Variants in CERS3 observed in about 807,000 individuals in gnomAD.
CERS3 encodes LAG1 homolog, ceramide synthase 3.
CERS3 carries 33 observed loss-of-function variants against 50.3 expected under a neutral mutation model. That is an observed-to-expected ratio of 0.66 (90% CI 0.50 to 0.88). CERS3 has a LOEUF of 0.88. CERS3 is among the 40% of genes least tolerant of loss of function. CERS3 has a pLI of 0.00. For missense variants in CERS3, 470 were observed against 460.3 expected, an observed-to-expected ratio of 1.02 and a Z score of -0.19; for synonymous variants, 176 against 155.2, an observed-to-expected ratio of 1.13 and a Z score of -0.99.
At chr15:100,483,764 TAA>T (rs374836529) in intron 5 of CERS3, among the ~76,000 whole-genome samples, 552 of 23,676 alleles carry the variant, frequency 0.023, 47 homozygotes, top group East Asian at 0.049. Context: ...GAAGGATCAA[TAA>T]TAATAATAAT....
At chr15:100,453,420 C>T (rs146660291) in intron 11 of CERS3, among the ~76,000 whole-genome samples, 27 of 152,186 alleles carry the variant, frequency 1.8e-4, no homozygotes, top group Non-Finnish European at 2.8e-4. Flanking sequence ...TCTCAATAGA[C>T]GCAGAAAAAG....
chr15:100,492,141 T>C (rs1343640853), intron 3 of CERS3, among the ~76,000 whole-genome samples: 1 of 152,224 alleles, frequency 6.6e-6, no homozygotes, highest in Non-Finnish European at 1.5e-5. Context: ...CTGGAGAATG[T>C]TTTTTGTGCA....
At chr15:100,475,856 C>T (rs1304573673) in intron 8 of CERS3, 3 of 248,332 alleles carry the variant, frequency 1.2e-5, no homozygotes, top group East Asian at 1.6e-4. Flanking sequence ...TCTTATTGAA[C>T]AGAGGTGGAG....
At chr15:100,522,045 G>C (rs1030581005) in intron 1 of CERS3, among the ~76,000 whole-genome samples, 2 of 152,158 alleles carry the variant, frequency 1.3e-5, no homozygotes, top group Non-Finnish European at 2.9e-5. Flanking sequence ...TGGAACACAC[G>C]CTTACCAACC....
chr15:100,512,252 A>G (rs2036365189), intron 2 of CERS3, among the ~76,000 whole-genome samples: 1 of 152,154 alleles, frequency 6.6e-6, no homozygotes, highest in African/African-American at 2.4e-5. Flanking sequence ...ATCCCTTTAC[A>G]TATTTTCCCT....
At chr15:100,485,937 A>G (rs772612762) in intron 4 of CERS3, among the ~76,000 whole-genome samples, 34 of 152,334 alleles carry the variant, frequency 2.2e-4, no homozygotes, top group Non-Finnish European at 4.4e-4. Context: ...GAAAAATAAA[A>G]TGGCATAAAA....
intron 2 of CERS3, among the ~76,000 whole-genome samples, chr15:100,515,681 T>A (rs537293902): frequency 6.6e-6 from 1 of 152,036 alleles, no homozygotes; most frequent in East Asian, 1.9e-4. Context: ...AAAAAAGGGG[T>A]CCAAGGTGAT....
At chr15:100,528,517 C>T (rs1337617508) in intron 1 of CERS3, among the ~76,000 whole-genome samples, 2 of 152,156 alleles carry the variant, frequency 1.3e-5, no homozygotes, top group Admixed American at 6.5e-5. Context: ...CGCCCGAGAG[C>T]AATGCAGGTC....
intron 7 of CERS3, among the ~76,000 whole-genome samples, chr15:100,477,521 C>G (rs1400911189): frequency 6.6e-6 from 1 of 152,028 alleles, no homozygotes; most frequent in Non-Finnish European, 1.5e-5. Flanking sequence ...GCATCCAGAA[C>G]CTGTGGAGTC....
chr15:100,426,174 T>C (rs2032799732), intron 11 of CERS3: 1 of 152,200 alleles, frequency 6.6e-6, no homozygotes, highest in Admixed American at 6.5e-5. Flanking sequence ...AAATTTCATA[T>C]TCAATTAATA....
At chr15:100,503,964 G>A in intron 2 of CERS3, 1 of 333,538 alleles carries the variant, frequency 3.0e-6, no homozygotes, top group Admixed American at 3.9e-5. Context: ...TGGGAGTGAG[G>A]CCCGAGGGTA....
intron 5 of CERS3, 152 bp from the exon 6 acceptor site, chr15:100,480,198 G>A (rs1012325082): frequency 6.3e-6 from 4 of 631,900 alleles, no homozygotes; most frequent in African/African-American, 5.6e-5. Context: ...CTTATTAGAT[G>A]GTTACAACCT....
Position 100,488,934 on chromosome 15 carries a change from G to A in CERS3, c.288+1883C>T, listed in dbSNP as rs1267318521. The stretch of plus-strand genomic sequence containing the variant: ...TGGGATTACAGGCACTCGCCACCAC[G>A]CCCAGCTAATTTTTGTATTTTTAGT... On this transcript the variant is annotated intron_variant, in intron 4 of 11. Transcript: ENST00000679737. 3.9e-5 allele frequency among the ~76,000 whole-genome samples: 6 copies of A among 152,052 alleles called. No homozygotes were observed. The East Asian group carries it at 9.7e-4, about 25-fold the overall frequency.
intron 4 of CERS3, among the ~76,000 whole-genome samples, chr15:100,487,035 C>T (rs1028416423): frequency 2.0e-5 from 3 of 152,006 alleles, no homozygotes. Context: ...CTTGTCAATA[C>T]TGGCCTCATG....
chr15:100,471,195 G>A (rs2034956622), intron 9 of CERS3, among the ~76,000 whole-genome samples: 2 of 152,232 alleles, frequency 1.3e-5, no homozygotes, highest in South Asian at 4.1e-4. Context: ...GTTTGCCCAT[G>A]AGGGAACCTC....
chr15:100,519,487 T>A (rs1259543751), intron 2 of CERS3, among the ~76,000 whole-genome samples: 2 of 152,200 alleles, frequency 1.3e-5, no homozygotes, highest in African/African-American at 4.8e-5. Context: ...ATATACCAGC[T>A]ACTCCCTGGA....
rs1177785513 is a variant in CERS3 at position 100,417,771 on chromosome 15, C to A, written c.1000-14906G>T. On this transcript the variant is annotated intron_variant, in intron 11 of 11. Coordinates refer to ENST00000679737, the MANE Select transcript of CERS3 (RefSeq NM_001378789.1). ...ACTGCCTCCTCAAGTAGGTCCCTGA[C>A]CCCTGACCCCTGGGCAGCCTAACTG... Among the ~76,000 whole-genome samples the A allele has an allele frequency of 2.6e-5, 4 of 151,958 alleles. No individual in the cohort carries two copies. The East Asian group carries it at 5.8e-4, about 22-fold the overall frequency.
chr15:100,446,917 A>G (rs137876934), intron 11 of CERS3, among the ~76,000 whole-genome samples: 53 of 152,254 alleles, frequency 3.5e-4, no homozygotes, highest in African/African-American at 1.2e-3. Flanking sequence ...AGATCTTAAG[A>G]CTGACTTTTG....
At chr15:100,410,214 C>T (rs1455970437) in intron 11 of CERS3, among the ~76,000 whole-genome samples, 5 of 152,146 alleles carry the variant, frequency 3.3e-5, no homozygotes, top group Admixed American at 6.5e-5. Flanking sequence ...TTACACAAAA[C>T]GACAGTGAAA....
Sources: allele counts gnomAD v4.1 joint callset (sites outside exome capture counted in the v4.1 genomes callset), GRCh38; gene constraint gnomAD v4.1.1; transcripts MANE v1.5; gene names NCBI Gene and HGNC (gene_info 2026-07-23, HGNC 2026-07-21).